Variants in CSPP1 observed in about 807,000 individuals in gnomAD.
CSPP1 encodes the protein centrosome and spindle pole-associated protein 1.
A neutral mutation model predicts 164.4 loss-of-function variants in CSPP1; 126 were observed. That is an observed-to-expected ratio of 0.77 (90% CI 0.66 to 0.89). CSPP1 has a LOEUF of 0.89. Among genes scored for constraint, CSPP1 ranks in the 40% least tolerant of loss-of-function variants. The probability of loss-of-function intolerance (pLI) is 0.00; values close to 1 mark genes in which losing one functional copy is unlikely to be tolerated. For synonymous variants in CSPP1, 472 were observed against 476.7 expected (o/e 0.99, Z 0.13); for missense variants, 1,395 against 1,449.8 (o/e 0.96, Z 0.61).
In CSPP1 at chr8:67,095,789, ATTTGCTGTTG is replaced by A. The variant is rs1171064228; in HGVS notation, c.923+60_923+69del. 5.7e-6 allele frequency: 6 copies of A among 1,053,780 alleles called. No homozygotes were observed. In the East Asian group the frequency reaches 1.5e-4, roughly 26 times the overall value. 65.3% of individuals were successfully genotyped at this position (1,053,780 alleles called of 1,614,324 possible). On this transcript the variant is annotated intron_variant, in intron 7 of 30. Coordinates refer to ENST00000678616, the MANE Select transcript of CSPP1 (RefSeq NM_001382391.1). ...TTAATATAGCAAATTAATTGTTAAT[ATTTGCTGTTG>A]TTACTTTTTATCATTATACTAGGGA...
In CSPP1 at chr8:67,159,161, A is replaced by G. The variant is rs370459534; in HGVS notation, c.2538+24A>G. On this transcript the variant is annotated intron_variant, in intron 21 of 30. Coordinates refer to ENST00000678616, the MANE Select transcript of CSPP1 (RefSeq NM_001382391.1). ...AGGTAAGTTTCAGACAAAAATGTCA[A>G]TCAAACCCATAGTTTAACTCACTTT... is the stretch of plus-strand genomic sequence containing the variant. 1.7e-5 allele frequency: 27 copies of G among 1,587,426 alleles called. No individual in the cohort carries two copies. In the African/African-American group the frequency reaches 2.9e-4, roughly 17 times the overall value.
At chr8:67,137,046 A>C (rs1822460926) in intron 16 of CSPP1, among the ~76,000 whole-genome samples, 2 of 152,084 alleles carry the variant, frequency 1.3e-5, no homozygotes, top group Non-Finnish European at 2.9e-5. Flanking sequence ...CAGTGGCATG[A>C]TCTTGGCTGA....
intron 15 of CSPP1, among the ~76,000 whole-genome samples, chr8:67,125,100 T>G (rs1819802581): frequency 6.6e-6 from 1 of 152,218 alleles, no homozygotes; most frequent in African/African-American, 2.4e-5. Context: ...TTACTTCAGT[T>G]GCTGTCAAGT....
intron 15 of CSPP1, among the ~76,000 whole-genome samples, chr8:67,130,856 C>T (rs879379295): frequency 3.3e-5 from 5 of 151,758 alleles, no homozygotes; most frequent in East Asian, 3.9e-4. Context: ...GGCGTGGTGG[C>T]GGGTGCTTGT....
chr8:67,141,200 T>A (rs575784257), intron 17 of CSPP1, among the ~76,000 whole-genome samples: 157 of 152,316 alleles, frequency 1.0e-3, no homozygotes, highest in African/African-American at 3.6e-3. Context: ...TGCCTTTAAT[T>A]GGTGGAAGTG....
At chr8:67,072,858 A>G (rs1807099502) in intron 1 of CSPP1, among the ~76,000 whole-genome samples, 1 of 146,306 alleles carries the variant, frequency 6.8e-6, no homozygotes, top group Admixed American at 6.9e-5. Context: ...AAACAACGAG[A>G]GAGCCTGTCT....
At chr8:67,174,422 A>G (rs1831121931) in intron 25 of CSPP1, 1 of 152,160 alleles carries the variant, frequency 6.6e-6, no homozygotes, top group Non-Finnish European at 1.5e-5. Flanking sequence ...AATATTTTCA[A>G]GGCTTTTTAT....
At chr8:67,177,218 T>G (rs1287579649) in intron 26 of CSPP1, among the ~76,000 whole-genome samples, 1 of 152,186 alleles carries the variant, frequency 6.6e-6, no homozygotes, top group African/African-American at 2.4e-5. Flanking sequence ...AATGTACTAT[T>G]CACAGGAACA....
At chr8:67,151,423 A>T (rs544290918) in intron 18 of CSPP1, among the ~76,000 whole-genome samples, 2 of 152,258 alleles carry the variant, frequency 1.3e-5, no homozygotes, top group South Asian at 4.1e-4. Context: ...CTGTATTGAG[A>T]TCTCATTGCC....
At position 67,114,353 on chromosome 8, in the gene CSPP1, C is replaced by A. The variant is rs905357543; in HGVS notation, c.1270C>A (p.Gln424Lys). Residue 424 changes from glutamine (Q) to lysine (K), a missense_variant, in exon 12 of 31, where the codon CAG (glutamine) becomes AAG (lysine). Transcript: ENST00000678616. ...GTGGAATGAATTACTCACATCATTG[C>A]AGTTAAGTAAGGAGGAGGTAATTTA... ...KSWNELLTSLQLSKEEPDRLK... is the reference protein window; with the variant it reads ...KSWNELLTSLKLSKEEPDRLK... 2 of 152,542 alleles carry A rather than the reference C, an allele frequency of 1.3e-5. No homozygotes were observed. The highest frequency in any genetic ancestry group is 4.8e-5 in the African/African-American group (2 of 41,412). The allele number at this position is 152,542 out of a possible 1,614,324, so 9.4% of individuals were successfully genotyped here.
At chr8:67,193,315 T>C in intron 29 of CSPP1, 149 bp from the exon 30 acceptor site, 2 of 539,816 alleles carry the variant, frequency 3.7e-6, no homozygotes, top group Non-Finnish European at 6.6e-6. Flanking sequence ...CAGGCTGGTC[T>C]TGAACTCCTG....
At chr8:67,183,419 T>C (rs1158765632) in intron 28 of CSPP1, among the ~76,000 whole-genome samples, 1 of 151,988 alleles carries the variant, frequency 6.6e-6, no homozygotes, top group African/African-American at 2.4e-5. Flanking sequence ...CCTTAACAGA[T>C]GTAAAAGAAG....
intron 19 of CSPP1, among the ~76,000 whole-genome samples, chr8:67,157,407 TG>T (rs977584186): frequency 6.6e-5 from 10 of 152,038 alleles, no homozygotes; most frequent in African/African-American, 2.4e-4. Flanking sequence ...GTGATTCTCC[TG>T]TCTCAGCCTC....
rs1380418532 is a variant in CSPP1 at position 67,172,417 on chromosome 8, A to T, written c.2830A>T (p.Lys944Ter). 2 of 1,609,954 alleles carry T rather than the reference A, an allele frequency of 1.2e-6. No homozygotes were observed. Among genetic ancestry groups the T allele is most frequent in the African/African-American group, 2.7e-5 (2 of 74,794 alleles). The change falls in exon 25 of 31, where the codon AAA becomes TAA. Residue 944 changes from lysine (K) to a stop codon, truncating the protein, a stop_gained and splice_region_variant. Coordinates refer to ENST00000678616, the MANE Select transcript of CSPP1 (RefSeq NM_001382391.1). LOFTEE classifies it high-confidence loss of function. ...TTATGATTTGTCATTTATCTATAGG[A>T]AAAAGGAAAGGAATCCCATGGATAT... is the stretch of plus-strand genomic sequence containing the variant. ...MDSDDEIPIRKKERNPMDIFD... is the reference protein window; with the variant it reads ...MDSDDEIPIR
At chr8:67,080,077 GATTA>G (rs773355696) in intron 3 of CSPP1, among the ~76,000 whole-genome samples, 8 of 152,164 alleles carry the variant, frequency 5.3e-5, no homozygotes, top group Non-Finnish European at 1.0e-4. Flanking sequence ...CCTCCTGCCT[GATTA>G]ATTGTGGCTT....
In CSPP1 at chr8:67,074,186, A is replaced by G. The variant is rs1807410825; in HGVS notation, c.-10-57A>G. The G allele has an allele frequency of 4.2e-6, 4 of 960,004 alleles. No homozygotes were observed. The South Asian group carries it at 6.0e-5, about 14-fold the overall frequency. 59.5% of individuals were successfully genotyped at this position (960,004 alleles called of 1,614,324 possible). A position where few individuals can be genotyped will look rare whatever the true frequency, so the allele number is the denominator to read the frequency against. The stretch of plus-strand genomic sequence containing the variant: ...AAATGTGGACTAAGCCTACATGTTG[A>G]TAATTAGGCTAAAAATACTGTGATA... On this transcript the variant is annotated intron_variant, in intron 1 of 30. Coordinates refer to ENST00000678616, the MANE Select transcript of CSPP1 (RefSeq NM_001382391.1).
rs201940935 is a variant in CSPP1 at position 67,132,029 on chromosome 8, G to A, written c.1776G>A (p.Pro592=). The change falls in exon 16 of 31, where the codon CCG becomes CCA. Residue 592 remains proline, a synonymous_variant. Transcript: ENST00000678616. Reference sequence around the variant, plus strand: ...CAGGATTGATTTTTGAAGATAAACCGAAACCTTCCAAACAGTCACTTCAGT... The same window carrying A: ...CAGGATTGATTTTTGAAGATAAACCAAAACCTTCCAAACAGTCACTTCAGT... ...INSGLIFEDK[P]KPSKQSLQSY... is the part of the protein sequence containing the mutation. 4.1e-5 allele frequency: 66 copies of A among 1,613,734 alleles called. No homozygotes were observed. The Middle Eastern group carries it at 8.3e-4, about 20-fold the overall frequency.
At position 67,118,285 on chromosome 8, in the gene CSPP1, T is replaced by A; in HGVS notation, c.1534T>A (p.Leu512Met). ...GCCTCCACCTCCCCTACTACCACCT[T>A]TGGCTACTAACTATCGAACTCCTTA... ...PLPPPPLLPPLATNYRTPYDD... is the reference protein window; with the variant it reads ...PLPPPPLLPPMATNYRTPYDD... Residue 512 changes from leucine (L) to methionine (M), a missense_variant, in exon 14 of 31, where the codon TTG becomes ATG. Leu to Met is a conservative substitution (Grantham distance 15). Transcript: ENST00000678616. The A allele has an allele frequency of 6.2e-7, 1 of 1,613,696 alleles. No homozygotes were observed. The highest frequency in any genetic ancestry group is 8.5e-7 in the Non-Finnish European group (1 of 1,179,644).
intron 27 of CSPP1, among the ~76,000 whole-genome samples, chr8:67,178,368 C>T (rs1832182484): frequency 6.6e-6 from 1 of 152,168 alleles, no homozygotes; most frequent in Non-Finnish European, 1.5e-5. Flanking sequence ...ACAGGATGAG[C>T]TCTTTTCAAT....
Sources: gnomAD v4.1 joint callset for allele counts (sites outside exome capture counted in the v4.1 genomes callset) on GRCh38, gnomAD v4.1.1 for gene constraint, MANE v1.5 for transcripts, NCBI Gene and HGNC (gene_info 2026-07-23, HGNC 2026-07-21) for gene names.